Variants in FRMD4A observed in about 807,000 individuals in gnomAD.
FRMD4A encodes FERM domain containing 4A.
A neutral mutation model predicts 129.1 loss-of-function variants in FRMD4A; 29 were observed. The observed-to-expected ratio is 0.22, with a 90% confidence interval of 0.17 to 0.31. FRMD4A has a LOEUF of 0.31. FRMD4A is among the 10% of genes least tolerant of loss of function. The pLI, the probability that FRMD4A is intolerant of heterozygous loss-of-function variation, is 1.00. For synonymous variants in FRMD4A, 634 were observed against 571.6 expected, an observed-to-expected ratio of 1.11 and a Z score of -1.56; for missense variants, 1,272 against 1,375.8, an observed-to-expected ratio of 0.92 and a Z score of 1.19.
At chr10:13,658,807 G>A (rs376020165) in intron 21 of FRMD4A, among the ~76,000 whole-genome samples, 7 of 151,386 alleles carry the variant, frequency 4.6e-5, no homozygotes, top group Admixed American at 6.6e-5. Context: ...GCTTGAACAC[G>A]GGAGGCAGAG....
chr10:14,326,875 T>C, intron 2 of FRMD4A: 1 of 398,536 alleles, frequency 2.5e-6, no homozygotes, highest in Non-Finnish European at 4.4e-6. Flanking sequence ...CTGAGATTCT[T>C]GCAAAGATGG....
chr10:14,210,254 C>T (rs1054246105), intron 2 of FRMD4A, among the ~76,000 whole-genome samples: 9 of 152,060 alleles, frequency 5.9e-5, no homozygotes, highest in African/African-American at 2.2e-4. Flanking sequence ...AGGTCTTTTG[C>T]CCATTTCACC....
chr10:13,830,858 C>T (rs1215330145), intron 3 of FRMD4A, among the ~76,000 whole-genome samples: 1 of 152,142 alleles, frequency 6.6e-6, no homozygotes, highest in Admixed American at 6.5e-5. Flanking sequence ...GGCACATTCT[C>T]GGCTCACTGC....
At chr10:13,697,733 GAA>G (rs113712668) in intron 14 of FRMD4A, among the ~76,000 whole-genome samples, 1 of 151,028 alleles carries the variant, frequency 6.6e-6, no homozygotes. Flanking sequence ...ATCAGGGAGA[GAA>G]AAAAAAAGAT....
At chr10:14,294,386 G>A (rs1845943282) in intron 2 of FRMD4A, among the ~76,000 whole-genome samples, 1 of 152,184 alleles carries the variant, frequency 6.6e-6, no homozygotes, top group Admixed American at 6.5e-5. Context: ...AACATATTAG[G>A]TGTCCTCCAC....
At chr10:13,707,467 G>T in intron 12 of FRMD4A, 1 of 1,025,970 alleles carries the variant, frequency 9.7e-7, no homozygotes, top group African/African-American at 1.7e-5. Flanking sequence ...GTGGAGACCG[G>T]GGAGAGGGAC....
intron 2 of FRMD4A, among the ~76,000 whole-genome samples, chr10:14,041,694 G>A (rs966486269): frequency 2.6e-5 from 4 of 152,188 alleles, no homozygotes; most frequent in Non-Finnish European, 4.4e-5. Context: ...TGTAGTCTAC[G>A]CATAAGGTAG....
At chr10:13,982,059 C>A (rs1372235003) in intron 2 of FRMD4A, among the ~76,000 whole-genome samples, 1 of 152,200 alleles carries the variant, frequency 6.6e-6, no homozygotes, top group African/African-American at 2.4e-5. Context: ...CGTAGCCATA[C>A]AAACTAGAAT....
At chr10:14,183,834 T>A (rs1156352140) in intron 2 of FRMD4A, among the ~76,000 whole-genome samples, 1 of 152,218 alleles carries the variant, frequency 6.6e-6, no homozygotes, top group Non-Finnish European at 1.5e-5. Context: ...TATTTCTGTC[T>A]CAATTTTAGT....
chr10:14,129,757 A>G (rs2131825997), intron 2 of FRMD4A, among the ~76,000 whole-genome samples: 1 of 152,248 alleles, frequency 6.6e-6, no homozygotes, highest in Middle Eastern at 3.4e-3. Flanking sequence ...AAATATCTGA[A>G]ATATAAGACA....
intron 2 of FRMD4A, among the ~76,000 whole-genome samples, chr10:13,930,274 G>A (rs1783537804): frequency 6.6e-6 from 1 of 152,184 alleles, no homozygotes; most frequent in Non-Finnish European, 1.5e-5. Flanking sequence ...TTTCATCAAA[G>A]GCGTTCACTG....
At chr10:13,689,842 C>A (rs975001226) in intron 15 of FRMD4A, among the ~76,000 whole-genome samples, 1 of 151,844 alleles carries the variant, frequency 6.6e-6, no homozygotes, top group Non-Finnish European at 1.5e-5. Context: ...CCTGAATAGG[C>A]GTGAGCCACT....
chr10:13,791,266 C>G (rs1284074461), intron 5 of FRMD4A, among the ~76,000 whole-genome samples: 3 of 152,150 alleles, frequency 2.0e-5, no homozygotes, highest in Admixed American at 2.0e-4. Flanking sequence ...AACAGAGACC[C>G]TGAGCAGGCA....
At chr10:14,231,102 AG>A (rs1843624451) in intron 2 of FRMD4A, among the ~76,000 whole-genome samples, 1 of 152,110 alleles carries the variant, frequency 6.6e-6, no homozygotes, top group African/African-American at 2.4e-5. Flanking sequence ...CTGTGTCTTT[AG>A]GGTAGAATGA....
intron 2 of FRMD4A, among the ~76,000 whole-genome samples, chr10:14,047,260 A>C (rs535043422): frequency 1.3e-5 from 2 of 152,184 alleles, no homozygotes; most frequent in Non-Finnish European, 2.9e-5. Context: ...AAGAAGAACC[A>C]AGAAGGTTAC....
intron 5 of FRMD4A, among the ~76,000 whole-genome samples, chr10:13,790,936 G>A (rs7902420): frequency 0.45 from 68,235 of 151,828 alleles, 16,116 homozygotes; most frequent in East Asian, 0.72. Flanking sequence ...GAGAAAAAGA[G>A]AGGAAAGGCT....
chr10:14,093,550 C>T (rs1304130762), intron 2 of FRMD4A, among the ~76,000 whole-genome samples: 1 of 152,214 alleles, frequency 6.6e-6, no homozygotes, highest in Non-Finnish European at 1.5e-5. Context: ...ACAATGCTCA[C>T]ACCCACTCAT....
At chr10:14,100,596 A>G (rs968808139) in intron 2 of FRMD4A, among the ~76,000 whole-genome samples, 13 of 152,138 alleles carry the variant, frequency 8.5e-5, no homozygotes, top group African/African-American at 3.1e-4. Flanking sequence ...TATTTTATAT[A>G]CTTGCCGGCC....
At chr10:14,279,557 C>T (rs1432332868) in intron 2 of FRMD4A, among the ~76,000 whole-genome samples, 2 of 152,056 alleles carry the variant, frequency 1.3e-5, no homozygotes, top group African/African-American at 2.4e-5. Context: ...TTTACTACTA[C>T]AATTTTCTCT....
Sources: gnomAD v4.1 joint callset for allele counts (sites outside exome capture counted in the v4.1 genomes callset) on GRCh38, gnomAD v4.1.1 for gene constraint, MANE v1.5 for transcripts, NCBI Gene and HGNC (gene_info 2026-07-23, HGNC 2026-07-21) for gene names.